MARK1: variants seen among roughly 807,000 people sequenced by gnomAD.
MARK1 encodes the protein microtubule affinity regulating kinase 1, also known as serine/threonine-protein kinase MARK1.
In MARK1, 40 loss-of-function variants were observed where a neutral mutation model predicts 96.3. That is an observed-to-expected ratio of 0.42 (90% CI 0.32 to 0.54). The LOEUF is 0.54. MARK1 is among the 20% of genes least tolerant of loss of function. The pLI, the probability that MARK1 is intolerant of heterozygous loss-of-function variation, is 0.16. For synonymous variants in MARK1, 317 were observed against 341.2 expected (o/e 0.93, Z 0.78); for missense variants, 719 against 984.6 (o/e 0.73, Z 3.61).
intron 6 of MARK1, among the ~76,000 whole-genome samples, chr1:220,609,885 T>C (rs886570501): frequency 6.6e-6 from 1 of 152,220 alleles, no homozygotes; most frequent in African/African-American, 2.4e-5. Flanking sequence ...GCCCCCACTT[T>C]CTTCTAGCTT....
At chr1:220,552,101 G>A (rs1445829217) in intron 1 of MARK1, among the ~76,000 whole-genome samples, 2 of 152,164 alleles carry the variant, frequency 1.3e-5, no homozygotes, top group Non-Finnish European at 2.9e-5. Context: ...TTGATAGTCA[G>A]GATCAGTCAC....
Position 220,618,196 on chromosome 1 carries a change from A to G in MARK1, c.553-114A>G, listed in dbSNP as rs1008088270. On this transcript the variant is annotated intron_variant, in intron 7 of 17. Transcript: ENST00000366917. This position sits in a 1 kb window ranked among gnomAD's most constrained non-coding sequence, Gnocchi z 4.6. Reference sequence around the variant, plus strand: ...ATACTGGGCTTCTAAATTTGATACTACATTTAGAAATGAGGGGCAAGAGAT... The same window carrying G: ...ATACTGGGCTTCTAAATTTGATACTGCATTTAGAAATGAGGGGCAAGAGAT... The G allele has an allele frequency of 4.4e-6, 3 of 678,322 alleles. No homozygotes were observed. Among genetic ancestry groups the G allele is most frequent in the African/African-American group, 3.6e-5 (2 of 55,180 alleles). 42.0% of individuals were successfully genotyped at this position (678,322 alleles called of 1,614,324 possible). A position where few individuals can be genotyped will look rare whatever the true frequency, so the allele number is the denominator to read the frequency against.
chr1:220,589,544 C>T (rs1324999183), intron 3 of MARK1, among the ~76,000 whole-genome samples: 2 of 152,038 alleles, frequency 1.3e-5, no homozygotes, highest in Non-Finnish European at 2.9e-5. Flanking sequence ...TGGAACAAAG[C>T]CAAGAACCAA....
At chr1:220,633,404 G>T (rs1667778707) in intron 11 of MARK1, among the ~76,000 whole-genome samples, 1 of 151,588 alleles carries the variant, frequency 6.6e-6, no homozygotes, top group Non-Finnish European at 1.5e-5. Context: ...AGAAAAAGCT[G>T]AAATTATTTA....
At chr1:220,572,842 G>A (rs942872461) in intron 1 of MARK1, among the ~76,000 whole-genome samples, 1 of 151,948 alleles carries the variant, frequency 6.6e-6, no homozygotes, top group Non-Finnish European at 1.5e-5. Flanking sequence ...ATGTCTGTTG[G>A]CAACAAATTC....
chr1:220,621,466 G>T (rs1667048380), intron 9 of MARK1, among the ~76,000 whole-genome samples: 1 of 152,022 alleles, frequency 6.6e-6, no homozygotes, highest in Admixed American at 6.6e-5. Context: ...TTCAATAATG[G>T]ATACAAATTC....
chr1:220,531,436 A>T (rs1660308403), intron 1 of MARK1, among the ~76,000 whole-genome samples: 1 of 152,192 alleles, frequency 6.6e-6, no homozygotes, highest in Non-Finnish European at 1.5e-5. Context: ...CAAATACAGT[A>T]ATTTAAAACA....
intron 1 of MARK1, among the ~76,000 whole-genome samples, chr1:220,534,035 C>T (rs1418653628): frequency 2.6e-5 from 4 of 152,024 alleles, no homozygotes; most frequent in African/African-American, 4.8e-5. Flanking sequence ...GTAAAAAGCA[C>T]ACATCAGATA....
intron 1 of MARK1, among the ~76,000 whole-genome samples, chr1:220,570,956 T>G (rs1558266322): frequency 1.3e-5 from 2 of 152,194 alleles, no homozygotes; most frequent in Admixed American, 6.5e-5. Context: ...AGCTTTTTCT[T>G]TTTCCATTGT....
intron 1 of MARK1, among the ~76,000 whole-genome samples, chr1:220,574,143 T>C (rs1663673458): frequency 6.6e-6 from 1 of 152,208 alleles, no homozygotes; most frequent in Non-Finnish European, 1.5e-5. Flanking sequence ...TACTGGACAT[T>C]TTTATTGATA....
At chr1:220,625,759 C>T (rs1667289616) in intron 9 of MARK1, 1 of 446,894 alleles carries the variant, frequency 2.2e-6, no homozygotes, top group Non-Finnish European at 4.6e-6. Context: ...ACACAGGGCA[C>T]CAGGAGGAAA....
At chr1:220,633,443 G>A (rs929693959) in intron 11 of MARK1, among the ~76,000 whole-genome samples, 2 of 152,318 alleles carry the variant, frequency 1.3e-5, no homozygotes, top group East Asian at 3.9e-4. Context: ...TAATGGAGCA[G>A]TGCATTCCAG....
intron 13 of MARK1, among the ~76,000 whole-genome samples, chr1:220,649,661 G>A (rs1051720163): frequency 1.3e-5 from 2 of 152,086 alleles, no homozygotes; most frequent in Non-Finnish European, 2.9e-5. Context: ...CTGCACTACT[G>A]AAAAATTTTA....
At chr1:220,582,793 A>G (rs1415836730) in intron 3 of MARK1, among the ~76,000 whole-genome samples, 2 of 152,246 alleles carry the variant, frequency 1.3e-5, no homozygotes, top group Non-Finnish European at 2.9e-5. Context: ...CATAAAATCT[A>G]CTAATCTTGT....
At chr1:220,638,030 T>C (rs1668066699) in intron 13 of MARK1, among the ~76,000 whole-genome samples, 1 of 152,292 alleles carries the variant, frequency 6.6e-6, no homozygotes, top group East Asian at 1.9e-4. Flanking sequence ...GGAACAGATG[T>C]GCATAACCAC....
chr1:220,632,178 A>G lies in MARK1; in HGVS notation c.1010-23A>G, dbSNP rs936087332. ...ACGAAAATAAAACCATTTTCAGAAA[A>G]TTTCTCTTTTTTAAATTTCTAGACA... On this transcript the variant is annotated intron_variant, in intron 10 of 17. Transcript: ENST00000366917. 8.3e-6 allele frequency: 10 copies of G among 1,207,714 alleles called. No homozygotes were observed. The East Asian group carries it at 2.4e-4, about 29-fold the overall frequency. 74.8% of individuals were successfully genotyped at this position (1,207,714 alleles called of 1,614,324 possible). A position where few individuals can be genotyped will look rare whatever the true frequency, so the allele number is the denominator to read the frequency against.
At chr1:220,556,485 C>CAGAAAAAAAA (rs1326514729) in intron 1 of MARK1, among the ~76,000 whole-genome samples, 1 of 85,822 alleles carries the variant, frequency 1.2e-5, no homozygotes, top group African/African-American at 4.6e-5. Flanking sequence ...GGGACTGTCA[C>CAGAAAAAAAA]AAAAAAAAAA....
At chr1:220,644,461 C>CCCA (rs1668471476) in intron 13 of MARK1, among the ~76,000 whole-genome samples, 1 of 135,866 alleles carries the variant, frequency 7.4e-6, no homozygotes, top group African/African-American at 2.6e-5. Context: ...CCCCCCCCCC[C>CCCA]CACACACACA....
intron 1 of MARK1, among the ~76,000 whole-genome samples, chr1:220,552,932 C>G (rs1661966765): frequency 6.6e-6 from 1 of 152,092 alleles, no homozygotes; most frequent in South Asian, 2.1e-4. Context: ...ACAGATTAGC[C>G]TTAGTGAATG....
Sources: allele counts gnomAD v4.1 joint callset (sites outside exome capture counted in the v4.1 genomes callset), GRCh38; gene constraint gnomAD v4.1.1; non-coding constraint Gnocchi (gnomAD v3.1); transcripts MANE v1.5; gene names NCBI Gene and HGNC (gene_info 2026-07-23, HGNC 2026-07-21).